The following FER variants were observed in gnomAD, a reference collection of about 807,000 sequenced individuals.
FER encodes tyrosine-protein kinase Fer.
FER carries 63 observed loss-of-function variants against 111.0 expected under a neutral mutation model. That is an observed-to-expected ratio of 0.57 (90% CI 0.46 to 0.70). The LOEUF is 0.70. Among genes scored for constraint, FER ranks in the 30% least tolerant of loss-of-function variants. The probability of loss-of-function intolerance (pLI) is 0.00; values close to 1 mark genes in which losing one functional copy is unlikely to be tolerated. For missense variants in FER, 914 were observed against 954.0 expected (o/e 0.96, Z 0.55); for synonymous variants, 327 against 313.9 (o/e 1.04, Z -0.44).
chr5:109,115,574 G>A (rs923757123), intron 17 of FER, among the ~76,000 whole-genome samples: 1 of 152,098 alleles, frequency 6.6e-6, no homozygotes, highest in African/African-American at 2.4e-5. Flanking sequence ...CTAAAATTAT[G>A]TAAATAGTTC....
rs886469134 is a variant in FER, at chr5:109,190,078, C to T, written c.*2503C>T. The T allele has an allele frequency of 6.6e-6, 1 of 152,050 alleles. No homozygotes were observed. Among genetic ancestry groups the T allele is most frequent in the Non-Finnish European group, 1.5e-5 (1 of 67,990 alleles). 9.4% of individuals were successfully genotyped at this position (152,050 alleles called of 1,614,324 possible). A position where few individuals can be genotyped will look rare whatever the true frequency, so the allele number is the denominator to read the frequency against. Reference sequence around the variant, plus strand: ...ATGCATTAAGAAAAACTTACGCAAACAGTTTTTCACTGTTAATTTTGTTGT... The same window carrying T: ...ATGCATTAAGAAAAACTTACGCAAATAGTTTTTCACTGTTAATTTTGTTGT... On this transcript the variant is annotated 3_prime_UTR_variant, in exon 20 of 20. Transcript: ENST00000281092.
chr5:108,802,309 T>G (rs145829517), intron 3 of FER, among the ~76,000 whole-genome samples: 1 of 152,274 alleles, frequency 6.6e-6, no homozygotes, highest in African/African-American at 2.4e-5. Flanking sequence ...TTAACAGTAT[T>G]GGGTCTTTCA....
chr5:108,986,207 C>T (rs1228826388), intron 13 of FER, among the ~76,000 whole-genome samples: 1 of 151,682 alleles, frequency 6.6e-6, no homozygotes, highest in East Asian at 1.9e-4. Context: ...AGCATTTCAT[C>T]AAATATTTGT....
chr5:109,055,971 G>A lies in FER; in HGVS notation c.1924+8773G>A, dbSNP rs566629632. 1.1e-4 allele frequency among the ~76,000 whole-genome samples: 17 copies of A among 151,990 alleles called. No homozygotes were observed. In the South Asian group the frequency reaches 2.3e-3, roughly 20 times the overall value. The stretch of plus-strand genomic sequence containing the variant: ...ACATAAAAATGGCCGACAGATATAC[G>A]ATAGGTGCTCAACATTATTAATCAT... On this transcript the variant is annotated intron_variant, in intron 16 of 19. Transcript: ENST00000281092.
At chr5:108,899,571 G>T (rs1438377281) in intron 10 of FER, among the ~76,000 whole-genome samples, 9 of 151,934 alleles carry the variant, frequency 5.9e-5, no homozygotes, top group African/African-American at 2.2e-4. Context: ...GGCCGAGGTG[G>T]GTGGATCACA....
chr5:109,106,481 T>C (rs567033166), intron 17 of FER, among the ~76,000 whole-genome samples: 2 of 152,044 alleles, frequency 1.3e-5, no homozygotes, highest in Admixed American at 1.3e-4. Flanking sequence ...ACTGATTTTC[T>C]TGTTCTGACA....
intron 3 of FER, 114 bp from the exon 4 acceptor site, chr5:108,832,656 A>G (rs575045158): frequency 1.4e-6 from 1 of 690,196 alleles, no homozygotes; most frequent in East Asian, 3.4e-5. Context: ...CCTATTTTTT[A>G]TATTAATGTA....
At chr5:108,788,489 T>A (rs1228989148) in intron 2 of FER, among the ~76,000 whole-genome samples, 1 of 151,602 alleles carries the variant, frequency 6.6e-6, no homozygotes, top group African/African-American at 2.4e-5. Flanking sequence ...TACAGAGGTT[T>A]CTGGCTGGCA....
intron 3 of FER, among the ~76,000 whole-genome samples, chr5:108,805,442 C>A (rs1465007949): frequency 6.6e-6 from 1 of 152,066 alleles, no homozygotes; most frequent in East Asian, 1.9e-4. Flanking sequence ...TAAAAAGCTA[C>A]CTGAAAATGT....
intron 10 of FER, among the ~76,000 whole-genome samples, chr5:108,936,922 AC>A (rs750180697): frequency 2.6e-5 from 4 of 151,916 alleles, no homozygotes; most frequent in Non-Finnish European, 5.9e-5. Flanking sequence ...AGAATTTCCT[AC>A]TATTTAAATA....
At chr5:109,032,029 G>A (rs978622576) in intron 13 of FER, among the ~76,000 whole-genome samples, 3 of 152,094 alleles carry the variant, frequency 2.0e-5, no homozygotes, top group Admixed American at 2.0e-4. Context: ...GAGTCTAATG[G>A]AATATATCCT....
At chr5:108,750,062 T>C (rs913991126) in intron 1 of FER, among the ~76,000 whole-genome samples, 1 of 152,214 alleles carries the variant, frequency 6.6e-6, no homozygotes, top group African/African-American at 2.4e-5. Context: ...ATATTAATGG[T>C]TGTCTCACTA....
intron 16 of FER, among the ~76,000 whole-genome samples, chr5:109,071,878 A>G (rs990755548): frequency 1.3e-5 from 2 of 151,974 alleles, no homozygotes; most frequent in African/African-American, 2.4e-5. Flanking sequence ...AAAGCTTTAC[A>G]TGGCAATGTT....
In FER at chr5:108,867,945, A is replaced by G; in HGVS notation, c.660A>G (p.Lys220=). 1 of 1,604,768 alleles carries G rather than the reference A, an allele frequency of 6.2e-7. No homozygotes were observed. Among genetic ancestry groups the G allele is most frequent in the East Asian group, 2.2e-5 (1 of 44,788 alleles). ...SLQKMQEEMI[K]ALKGIFDEYS... ...AAAAGATGCAAGAAGAAATGATAAA[A>G]GCACTGTAAGATACATTTTCTTTTT... Residue 220 remains lysine, a synonymous_variant, in exon 6 of 20, where the codon AAA becomes AAG. Transcript: ENST00000281092.
chr5:108,846,281 A>T (rs1398093289), intron 5 of FER, among the ~76,000 whole-genome samples: 2 of 152,078 alleles, frequency 1.3e-5, no homozygotes, highest in Admixed American at 6.6e-5. Context: ...TAATCAATAT[A>T]GGCTATTTTA....
intron 3 of FER, among the ~76,000 whole-genome samples, chr5:108,810,133 G>A (rs866792331): frequency 1.5e-4 from 23 of 151,956 alleles, no homozygotes; most frequent in Admixed American, 9.2e-4. Flanking sequence ...CTCCTTCCTA[G>A]GTAGTATGTC....
At chr5:109,073,047 A>G (rs1775946069) in intron 16 of FER, among the ~76,000 whole-genome samples, 1 of 152,070 alleles carries the variant, frequency 6.6e-6, no homozygotes. Context: ...TTAAGAGCCC[A>G]CCCTAATATG....
intron 2 of FER, among the ~76,000 whole-genome samples, chr5:108,779,864 C>T (rs997009786): frequency 1.4e-4 from 21 of 152,112 alleles, no homozygotes; most frequent in East Asian, 1.3e-3. Flanking sequence ...TGCCTTGTTC[C>T]GGATTTTAGT....
chr5:108,811,416 A>C (rs141425148), intron 3 of FER, among the ~76,000 whole-genome samples: 80 of 152,340 alleles, frequency 5.3e-4, no homozygotes, highest in East Asian at 3.1e-3. Flanking sequence ...ATTTTGTATC[A>C]GTTGAATGTT....
Sources: gnomAD v4.1 joint callset for allele counts (sites outside exome capture counted in the v4.1 genomes callset) on GRCh38, gnomAD v4.1.1 for gene constraint, MANE v1.5 for transcripts, NCBI Gene and HGNC (gene_info 2026-07-23, HGNC 2026-07-21) for gene names.